RRAS2: variants seen among roughly 807,000 people sequenced by gnomAD.
RRAS2 encodes the protein ras-related protein R-Ras2.
A neutral mutation model predicts 27.6 loss-of-function variants in RRAS2; 7 were observed. The observed-to-expected ratio is 0.25, with a 90% CI of 0.14 to 0.48. RRAS2 has a LOEUF of 0.48. Among genes scored for constraint, RRAS2 ranks in the 20% least tolerant of loss-of-function variants. The probability of loss-of-function intolerance (pLI) is 0.99; values close to 1 mark genes in which losing one functional copy is unlikely to be tolerated. For missense variants in RRAS2, 178 were observed against 256.2 expected (o/e 0.69, Z 2.08); for synonymous variants, 86 against 90.9 (o/e 0.95, Z 0.31).
chr11:14,292,580 T>TA (rs201495193), intron 4 of RRAS2, among the ~76,000 whole-genome samples: 105 of 149,930 alleles, frequency 7.0e-4, no homozygotes, highest in African/African-American at 1.8e-3. Flanking sequence ...GAAATGGTCT[T>TA]AAAAAAAAAC....
intron 1 of RRAS2, among the ~76,000 whole-genome samples, chr11:14,305,965 A>T (rs1270230734): frequency 1.6e-4 from 25 of 152,082 alleles, no homozygotes; most frequent in Admixed American, 1.6e-3. Flanking sequence ...GGATCACTTG[A>T]GCCCAGGAGT....
chr11:14,359,042 A>T lies in RRAS2; in HGVS notation c.-172T>A, dbSNP rs2134049099. 8.9e-7 allele frequency: 1 copy of T among 1,119,170 alleles called. No homozygotes were observed. Among genetic ancestry groups the T allele is most frequent in the Non-Finnish European group, 1.1e-6 (1 of 916,598 alleles). The allele number at this position is 1,119,170 out of a possible 1,614,324, so 69.3% of individuals were successfully genotyped here. A position where few individuals can be genotyped will look rare whatever the true frequency, so the allele number is the denominator to read the frequency against. On this transcript the variant is annotated 5_prime_UTR_variant, in exon 1 of 6. Coordinates refer to ENST00000256196, the MANE Select transcript of RRAS2 (RefSeq NM_012250.6). ...TCAGCGCGGTAGCGCGGCGCTGGGG[A>T]CTGGCTGGGTACCGCCCGAGGCGCG...
chr11:14,351,871 G>C (rs1365784186), intron 1 of RRAS2, among the ~76,000 whole-genome samples: 2 of 149,454 alleles, frequency 1.3e-5, no homozygotes, highest in African/African-American at 4.9e-5. Flanking sequence ...CTCCAGCCTG[G>C]GTGACAGAGT....
chr11:14,289,953 G>GA (rs1176019775), intron 4 of RRAS2, among the ~76,000 whole-genome samples: 2 of 152,110 alleles, frequency 1.3e-5, no homozygotes, highest in Admixed American at 6.5e-5. Context: ...GACAAAGGTA[G>GA]AAAAAAACAA....
At chr11:14,344,038 G>A (rs1461485040) in intron 1 of RRAS2, among the ~76,000 whole-genome samples, 1 of 152,106 alleles carries the variant, frequency 6.6e-6, no homozygotes, top group African/African-American at 2.4e-5. Flanking sequence ...AGTTACTGGA[G>A]AGGCTGAGGT....
intron 1 of RRAS2, among the ~76,000 whole-genome samples, chr11:14,334,574 T>C (rs782380676): frequency 1.3e-5 from 2 of 151,866 alleles, no homozygotes; most frequent in Non-Finnish European, 2.9e-5. Flanking sequence ...TGGATTAGTC[T>C]GTCTCCTACA....
At chr11:14,294,449 C>A in intron 4 of RRAS2, 22 bp downstream of exon 4, 1 of 1,453,906 alleles carries the variant, frequency 6.9e-7, no homozygotes, top group South Asian at 1.3e-5. Flanking sequence ...ATTGGTTTCC[C>A]AACAGTGAAA....
Position 14,281,735 on chromosome 11 carries a change from G to A in RRAS2, c.409-15C>T. 6 of 1,573,772 alleles carry A rather than the reference G, an allele frequency of 3.8e-6. No homozygotes were observed. Among genetic ancestry groups the A allele is most frequent in the Non-Finnish European group, 5.2e-6 (6 of 1,153,178 alleles). The stretch of plus-strand genomic sequence containing the variant: ...TCCTGTGTTACCTGAAATTCCAACA[G>A]TTATGTTTATGGTACATTATTAACA... On this transcript the variant is annotated splice_polypyrimidine_tract_variant and intron_variant, in intron 4 of 5. Transcript: ENST00000256196.
At chr11:14,319,024 CTT>C (rs1321973171) in intron 1 of RRAS2, among the ~76,000 whole-genome samples, 1 of 152,216 alleles carries the variant, frequency 6.6e-6, no homozygotes, top group African/African-American at 2.4e-5. Context: ...TGAGGAAAGA[CTT>C]TAAGTAACTT....
intron 1 of RRAS2, among the ~76,000 whole-genome samples, chr11:14,305,883 A>G (rs1224224006): frequency 2.0e-5 from 3 of 151,990 alleles, no homozygotes; most frequent in African/African-American, 7.3e-5. Context: ...CATCTCTACA[A>G]AATATTTAAA....
At chr11:14,336,165 G>A (rs973269496) in intron 1 of RRAS2, among the ~76,000 whole-genome samples, 42 of 152,124 alleles carry the variant, frequency 2.8e-4, no homozygotes, top group Admixed American at 5.9e-4. Flanking sequence ...AATAAAGAGC[G>A]TCCCCACATT....
At chr11:14,359,981 G>A (rs1849166644), upstream of RRAS2, among the ~76,000 whole-genome samples, 1 of 152,054 alleles carries the variant, frequency 6.6e-6, no homozygotes, top group South Asian at 2.1e-4. Flanking sequence ...GACTTCACTT[G>A]GTAACTCATT....
At position 14,358,793 on chromosome 11, in the gene RRAS2, G is replaced by A; in HGVS notation, c.78C>T (p.Gly26=). The A allele has an allele frequency of 6.7e-7, 1 of 1,485,132 alleles. No homozygotes were observed. Among genetic ancestry groups the A allele is most frequent in the Non-Finnish European group, 9.0e-7 (1 of 1,111,054 alleles). 92.0% of individuals were successfully genotyped at this position (1,485,132 alleles called of 1,614,324 possible). Residue 26 remains glycine, a synonymous_variant, in exon 1 of 6, where the codon GGC becomes GGT. Coordinates refer to ENST00000256196, the MANE Select transcript of RRAS2 (RefSeq NM_012250.6). The surrounding 1 kb of genome is among the most constrained non-coding windows in gnomAD (Gnocchi z 5.1). ...TGAACTGGATGGTGAGCGCCGACTT[G>A]CCCACGCCGCCCCCGCCGACCACCA... ...RLVVVGGGGV[G]KSALTIQFIQ...
In RRAS2 at chr11:14,344,146, T is replaced by A. The variant is rs528902268; in HGVS notation, c.108+14617A>T. Among the ~76,000 whole-genome samples the A allele has an allele frequency of 8.1e-4, 122 of 150,804 alleles. 1 individual carries two copies. Among genetic ancestry groups the A allele is most frequent in the African/African-American group, 2.7e-3 (110 of 41,158 alleles). On this transcript the variant is annotated intron_variant, in intron 1 of 5. Coordinates refer to ENST00000256196, the MANE Select transcript of RRAS2 (RefSeq NM_012250.6). ...AGACCCTGTCTCAAACAAAATAATTTAAAAAAAAAATTTTAAGTAGTTCAC... is the reference window on the plus strand; with the variant it reads ...AGACCCTGTCTCAAACAAAATAATTAAAAAAAAAAATTTTAAGTAGTTCAC...
intron 1 of RRAS2, among the ~76,000 whole-genome samples, chr11:14,344,592 T>A (rs1848789268): frequency 6.6e-6 from 1 of 152,224 alleles, no homozygotes; most frequent in Admixed American, 6.5e-5. Context: ...TCCTTTCAGC[T>A]CGCATCTTTT....
At chr11:14,328,942 G>A (rs2134007647) in intron 1 of RRAS2, among the ~76,000 whole-genome samples, 1 of 151,588 alleles carries the variant, frequency 6.6e-6, no homozygotes, top group East Asian at 2.0e-4. Flanking sequence ...GGGATTACAA[G>A]TGTGAGCAAC....
intron 5 of RRAS2, 135 bp downstream of exon 5, chr11:14,281,467 G>T (rs1232782565): frequency 2.1e-5 from 12 of 558,570 alleles, no homozygotes; most frequent in Admixed American, 1.6e-4. Context: ...GAAGTGCCTA[G>T]AATATGTACT....
chr11:14,285,283 G>A (rs1849631514), intron 4 of RRAS2, among the ~76,000 whole-genome samples: 1 of 152,160 alleles, frequency 6.6e-6, no homozygotes, highest in Non-Finnish European at 1.5e-5. Flanking sequence ...GTGCAGTGGT[G>A]TATGCCTAAA....
intron 1 of RRAS2, among the ~76,000 whole-genome samples, chr11:14,342,365 C>G (rs1848730138): frequency 6.6e-6 from 1 of 152,210 alleles, no homozygotes; most frequent in Non-Finnish European, 1.5e-5. Flanking sequence ...CTTCCCAAGC[C>G]TGCATTTCCT....
Sources: gnomAD v4.1 joint callset for allele counts (sites outside exome capture counted in the v4.1 genomes callset) on GRCh38, gnomAD v4.1.1 for gene constraint, Gnocchi (gnomAD v3.1) non-coding constraint, MANE v1.5 for transcripts, NCBI Gene and HGNC (gene_info 2026-07-23, HGNC 2026-07-21) for gene names.